Variants in DSCAM observed in about 807,000 individuals in gnomAD.
DSCAM encodes the protein DS cell adhesion molecule, also known as cell adhesion molecule DSCAM.
Under a neutral mutation model 217.7 loss-of-function variants are expected in DSCAM, and 47 were observed. The observed-to-expected ratio is 0.22, with a 90% confidence interval of 0.17 to 0.28. DSCAM has a LOEUF of 0.28. Among genes scored for constraint, DSCAM ranks in the 10% least tolerant of loss-of-function variants. DSCAM has a pLI of 1.00. For synonymous variants in DSCAM, 1,056 were observed against 1,015.3 expected (o/e 1.04, Z -0.76); for missense variants, 2,080 against 2,618.3 (o/e 0.79, Z 4.49).
At chr21:40,704,709 T>C (rs1338657780) in intron 2 of DSCAM, among the ~76,000 whole-genome samples, 3 of 152,138 alleles carry the variant, frequency 2.0e-5, no homozygotes, top group Non-Finnish European at 1.5e-5. Context: ...GAGGGAGATG[T>C]CCTCTCAAAA....
chr21:40,613,479 CATCT>C (rs1377844434), intron 3 of DSCAM, among the ~76,000 whole-genome samples: 2 of 152,100 alleles, frequency 1.3e-5, no homozygotes, highest in Non-Finnish European at 2.9e-5. Context: ...AAAATTGTAA[CATCT>C]AAGGCAAAAT....
intron 2 of DSCAM, 107 bp downstream of exon 2, chr21:40,708,347 G>A: frequency 1.1e-6 from 1 of 932,840 alleles, no homozygotes; most frequent in Non-Finnish European, 1.5e-6. Context: ...ACTGATGATG[G>A]GGTTTTCATT....
chr21:40,525,938 T>C (rs1172246894), intron 3 of DSCAM, among the ~76,000 whole-genome samples: 1 of 152,014 alleles, frequency 6.6e-6, no homozygotes, highest in Non-Finnish European at 1.5e-5. Context: ...GACATGATCA[T>C]TTGAAGTGTA....
chr21:40,739,602 T>C (rs1386286128), intron 1 of DSCAM, among the ~76,000 whole-genome samples: 1 of 152,156 alleles, frequency 6.6e-6, no homozygotes, highest in East Asian at 1.9e-4. Flanking sequence ...CCAAACTTAA[T>C]GACATTATTT....
At chr21:40,295,694 GA>G (rs1355652357) in intron 10 of DSCAM, among the ~76,000 whole-genome samples, 1 of 152,200 alleles carries the variant, frequency 6.6e-6, no homozygotes, top group Non-Finnish European at 1.5e-5. Flanking sequence ...GAGTAGTTCT[GA>G]CAATTTAAAC....
intron 3 of DSCAM, among the ~76,000 whole-genome samples, chr21:40,370,724 A>G (rs916829763): frequency 6.6e-6 from 1 of 151,944 alleles, no homozygotes; most frequent in Non-Finnish European, 1.5e-5. Flanking sequence ...GAGCTCAAGC[A>G]ATCCTTCCAC....
At chr21:40,639,672 T>C (rs754592247) in intron 3 of DSCAM, among the ~76,000 whole-genome samples, 4 of 135,164 alleles carry the variant, frequency 3.0e-5, no homozygotes, top group Admixed American at 8.1e-5. Flanking sequence ...ATGCTTTGTG[T>C]ATGTGTATGT....
At chr21:40,395,231 C>CTTTAT (rs1186633756) in intron 3 of DSCAM, among the ~76,000 whole-genome samples, 1 of 151,862 alleles carries the variant, frequency 6.6e-6, no homozygotes, top group East Asian at 1.9e-4. Context: ...AGGGGGCATT[C>CTTTAT]TTTATTTTAT....
intron 3 of DSCAM, among the ~76,000 whole-genome samples, chr21:40,390,900 G>A (rs1230807201): frequency 2.6e-5 from 4 of 152,104 alleles, no homozygotes; most frequent in Admixed American, 6.6e-5. Flanking sequence ...TATCATTTGA[G>A]GGGACACAAT....
intron 3 of DSCAM, among the ~76,000 whole-genome samples, chr21:40,475,820 G>C (rs1305239714): frequency 6.6e-6 from 1 of 151,074 alleles, no homozygotes; most frequent in Non-Finnish European, 1.5e-5. Context: ...AACAGAGTAA[G>C]ACTCTGTCTT....
intron 3 of DSCAM, among the ~76,000 whole-genome samples, chr21:40,685,752 G>A (rs1601848974): frequency 6.6e-6 from 1 of 152,260 alleles, no homozygotes; most frequent in South Asian, 2.1e-4. Context: ...GGGTGGGCTT[G>A]GGGACCTTTG....
At chr21:40,449,289 T>C (rs1569128402) in intron 3 of DSCAM, among the ~76,000 whole-genome samples, 1 of 152,204 alleles carries the variant, frequency 6.6e-6, no homozygotes, top group Non-Finnish European at 1.5e-5. Context: ...ACACAAGTTT[T>C]GGGAATTAGG....
At chr21:40,450,329 C>T (rs2075708305) in intron 3 of DSCAM, among the ~76,000 whole-genome samples, 1 of 152,156 alleles carries the variant, frequency 6.6e-6, no homozygotes, top group Non-Finnish European at 1.5e-5. Context: ...ATGTTCTAGT[C>T]CTGGCTGACA....
rs558557137 is a variant in DSCAM, at chr21:40,267,857, T to C, written c.2356+8240A>G. On this transcript the variant is annotated intron_variant, in intron 11 of 32. Transcript: ENST00000400454. ...GTTGTAGTGAGCTGAGATCGTGCCA[T>C]TGCACTCTAGCCTGGGAAACAAGAG... Among the ~76,000 whole-genome samples, 12 of 151,904 alleles carry C rather than the reference T, an allele frequency of 7.9e-5. 1 individual carries two copies. Among genetic ancestry groups the C allele is most frequent in the African/African-American group, 2.4e-4 (10 of 41,334 alleles).
At chr21:40,353,863 TTTAAGA>T in intron 4 of DSCAM, 120 bp from the exon 5 acceptor site, 1 of 901,918 alleles carries the variant, frequency 1.1e-6, no homozygotes, top group Non-Finnish European at 1.5e-6. Flanking sequence ...GATACAGATC[TTTAAGA>T]TTTTATAAGT....
At chr21:40,250,555 C>T (rs1324236546) in intron 11 of DSCAM, among the ~76,000 whole-genome samples, 1 of 152,206 alleles carries the variant, frequency 6.6e-6, no homozygotes, top group East Asian at 1.9e-4. Context: ...TACATTTTCT[C>T]ACAAAGAATT....
At chr21:40,685,030 G>A (rs1254355124) in intron 3 of DSCAM, among the ~76,000 whole-genome samples, 1 of 152,190 alleles carries the variant, frequency 6.6e-6, no homozygotes, top group Non-Finnish European at 1.5e-5. Context: ...ATGAGTCAAT[G>A]TGTTTTCAGA....
intron 1 of DSCAM, among the ~76,000 whole-genome samples, chr21:40,768,810 A>T (rs1392941706): frequency 6.6e-6 from 1 of 152,206 alleles, no homozygotes; most frequent in South Asian, 2.1e-4. Context: ...AGTTACTGAG[A>T]ACAGAAGTTG....
intron 11 of DSCAM, 102 bp downstream of exon 11, chr21:40,275,995 G>A: frequency 1.6e-6 from 2 of 1,240,594 alleles, no homozygotes; most frequent in East Asian, 2.6e-5. Context: ...GTCTTCTTTT[G>A]TGTTGCTTTT....
Sources: gnomAD v4.1 joint callset for allele counts (sites outside exome capture counted in the v4.1 genomes callset) on GRCh38, gnomAD v4.1.1 for gene constraint, MANE v1.5 for transcripts, NCBI Gene and HGNC (gene_info 2026-07-23, HGNC 2026-07-21) for gene names.